The following HERPUD2 variants were observed in gnomAD, a reference collection of about 807,000 sequenced individuals.
The protein encoded by HERPUD2 is homocysteine-responsive endoplasmic reticulum-resident ubiquitin-like domain member 2 protein.
In HERPUD2, 13 loss-of-function variants were observed where a neutral mutation model predicts 49.9. The observed-to-expected ratio is 0.26, with a 90% confidence interval of 0.17 to 0.41. The LOEUF (loss-of-function observed/expected upper bound fraction) is 0.41. Among genes scored for constraint, HERPUD2 ranks in the 10% least tolerant of loss-of-function variants. The pLI is 1.00. For synonymous variants in HERPUD2, 172 were observed against 171.4 expected (o/e 1.00, Z -0.03); for missense variants, 449 against 492.2 (o/e 0.91, Z 0.83).
chr7:35,636,559 C>G (rs1427171619), intron 6 of HERPUD2, among the ~76,000 whole-genome samples: 1 of 152,140 alleles, frequency 6.6e-6, no homozygotes, highest in Non-Finnish European at 1.5e-5. Context: ...GGTTCACAAA[C>G]GAGACAAGGT....
At chr7:35,663,625 C>G (rs1210506272) in intron 5 of HERPUD2, among the ~76,000 whole-genome samples, 1 of 152,184 alleles carries the variant, frequency 6.6e-6, no homozygotes, top group African/African-American at 2.4e-5. Flanking sequence ...GTTAGCTCCT[C>G]TTGTTGAATT....
chr7:35,682,399 T>C (rs184949817), intron 2 of HERPUD2, among the ~76,000 whole-genome samples: 41 of 130,788 alleles, frequency 3.1e-4, no homozygotes, highest in African/African-American at 1.2e-3. Flanking sequence ...TTAATCGGCA[T>C]ACAAGGGACA....
In HERPUD2 at chr7:35,695,114, C is replaced by G. The variant is rs1467608986; in HGVS notation, c.-611G>C. On this transcript the variant is annotated 5_prime_UTR_variant, in exon 1 of 9. Coordinates refer to ENST00000311350, the MANE Select transcript of HERPUD2 (RefSeq NM_022373.5). ...GGGGACGAGAGCCGTTGCGCCACCGCTGGCGCGCCGGTTTTGTTGTTATTG... is the reference window on the plus strand; with the variant it reads ...GGGGACGAGAGCCGTTGCGCCACCGGTGGCGCGCCGGTTTTGTTGTTATTG... The G allele has an allele frequency of 1.3e-5, 2 of 152,490 alleles. No individual in the cohort carries two copies. The highest frequency in any genetic ancestry group is 2.9e-5 in the Non-Finnish European group (2 of 68,234). 9.4% of individuals were successfully genotyped at this position (152,490 alleles called of 1,614,324 possible). A position where few individuals can be genotyped will look rare whatever the true frequency, so the allele number is the denominator to read the frequency against.
chr7:35,691,624 T>G (rs1229094532), intron 2 of HERPUD2, among the ~76,000 whole-genome samples: 14 of 152,214 alleles, frequency 9.2e-5, no homozygotes, highest in Admixed American at 9.2e-4. Flanking sequence ...GCAAGGAAGA[T>G]GCACAAGAAA....
chr7:35,678,391 C>T (rs976007557), intron 2 of HERPUD2, among the ~76,000 whole-genome samples: 17 of 152,046 alleles, frequency 1.1e-4, no homozygotes, highest in African/African-American at 3.6e-4. Flanking sequence ...ACCTCTAACT[C>T]CCAGGTTCAA....
chr7:35,694,599 T>G lies in HERPUD2; in HGVS notation c.-269A>C. On this transcript the variant is annotated 5_prime_UTR_variant, in exon 2 of 9. Transcript: ENST00000311350. ...GTCCGGGCTCCGCCGGGCTCCGGAC[T>G]GTGGAGGCCGTCGTGAGGAGAAAGG... The G allele has an allele frequency of 2.0e-6, 1 of 488,984 alleles. No homozygotes were observed. The highest frequency in any genetic ancestry group is 3.7e-6 in the Non-Finnish European group (1 of 268,496). 30.3% of individuals were successfully genotyped at this position (488,984 alleles called of 1,614,324 possible). A position where few individuals can be genotyped will look rare whatever the true frequency, so the allele number is the denominator to read the frequency against.
chr7:35,648,671 G>C (rs549498639), intron 5 of HERPUD2, among the ~76,000 whole-genome samples: 1 of 152,292 alleles, frequency 6.6e-6, no homozygotes, highest in Admixed American at 6.5e-5. Context: ...TCAGTCATTA[G>C]CTTGCCCTCT....
intron 5 of HERPUD2, among the ~76,000 whole-genome samples, chr7:35,655,647 T>G (rs114124797): frequency 1.8e-3 from 268 of 152,198 alleles, no homozygotes; most frequent in African/African-American, 6.1e-3. Flanking sequence ...GGATCCCCAC[T>G]TTCACCAGTC....
Position 35,639,017 on chromosome 7 carries a change from G to A in HERPUD2, c.495-545C>T, listed in dbSNP as rs201082666. ...TGTTCACATATACATTCTTAAAGTAGGTTAAAATTTTATTTCTTTTTTTTT... is the reference window on the plus strand; with the variant it reads ...TGTTCACATATACATTCTTAAAGTAAGTTAAAATTTTATTTCTTTTTTTTT... On this transcript the variant is annotated intron_variant, in intron 5 of 8. Transcript: ENST00000311350. Among the ~76,000 whole-genome samples, 8 of 151,712 alleles carry A rather than the reference G, an allele frequency of 5.3e-5. No homozygotes were observed. The East Asian group carries it at 1.5e-3, about 29-fold the overall frequency.
At chr7:35,638,993 G>A (rs1351132599) in intron 5 of HERPUD2, among the ~76,000 whole-genome samples, 1 of 151,512 alleles carries the variant, frequency 6.6e-6, no homozygotes, top group African/African-American at 2.4e-5. Flanking sequence ...AGTAGAACAT[G>A]TTCACATATA....
At chr7:35,669,098 AC>A (rs779985017) in intron 4 of HERPUD2, among the ~76,000 whole-genome samples, 1 of 152,160 alleles carries the variant, frequency 6.6e-6, no homozygotes, top group Non-Finnish European at 1.5e-5. Flanking sequence ...TTCTTTCCCA[AC>A]AAAAATTGAA....
rs1007648223 is a variant in HERPUD2 at position 35,652,869 on chromosome 7, T to C, written c.495-14397A>G. On this transcript the variant is annotated intron_variant, in intron 5 of 8. Transcript: ENST00000311350. ...ACTAGGCCGGCCCTCCAAGAAATAA[T>C]TAAGGGAGCCCTATACCCGGAAGGA... Among the ~76,000 whole-genome samples the C allele has an allele frequency of 4.6e-5, 7 of 151,616 alleles. No homozygotes were observed. In the South Asian group the frequency reaches 6.3e-4, roughly 14 times the overall value.
intron 2 of HERPUD2, among the ~76,000 whole-genome samples, chr7:35,687,156 A>T (rs1355718242): frequency 1.3e-5 from 2 of 152,170 alleles, no homozygotes. Flanking sequence ...ACACAATAAA[A>T]GTTCATTCGT....
intron 2 of HERPUD2, among the ~76,000 whole-genome samples, chr7:35,690,435 T>C (rs1786153910): frequency 6.6e-6 from 1 of 152,268 alleles, no homozygotes; most frequent in Admixed American, 6.5e-5. Context: ...ATTAAGGATC[T>C]ATAATCTTTT....
chr7:35,681,107 A>C (rs1334295725), intron 2 of HERPUD2, among the ~76,000 whole-genome samples: 3 of 152,234 alleles, frequency 2.0e-5, no homozygotes, highest in African/African-American at 4.8e-5. Context: ...TATCTGATTC[A>C]CTTCTACAAA....
rs181047332 is a variant in HERPUD2 at position 35,651,185 on chromosome 7, T to G, written c.495-12713A>C. Among the ~76,000 whole-genome samples the G allele has an allele frequency of 5.3e-4, 81 of 152,218 alleles. 2 individuals carry two copies. In the East Asian group the frequency reaches 0.014, roughly 27 times the overall value. Reference sequence around the variant, plus strand: ...TATTACTGCCATAATCCATGGCATATCCACTGCCTAGGGGCCCGATGACAT... The same window carrying G: ...TATTACTGCCATAATCCATGGCATAGCCACTGCCTAGGGGCCCGATGACAT... On this transcript the variant is annotated intron_variant, in intron 5 of 8. Transcript: ENST00000311350.
chr7:35,665,124 A>T lies in HERPUD2; in HGVS notation c.494+2310T>A, dbSNP rs1785509038. ...CAGATCTCAAACTCAGTGCTGGGAGAACCACTACTCTCTTCAAAGCTGTCA... is the reference window on the plus strand; with the variant it reads ...CAGATCTCAAACTCAGTGCTGGGAGTACCACTACTCTCTTCAAAGCTGTCA... On this transcript the variant is annotated intron_variant, in intron 5 of 8. Coordinates refer to ENST00000311350, the MANE Select transcript of HERPUD2 (RefSeq NM_022373.5). 2.0e-5 allele frequency among the ~76,000 whole-genome samples: 3 copies of T among 152,196 alleles called. No homozygotes were observed. The South Asian group carries it at 6.2e-4, about 31-fold the overall frequency.
chr7:35,694,440 T>G lies in HERPUD2; in HGVS notation c.-110A>C. 1 of 1,116,012 alleles carries G rather than the reference T, an allele frequency of 9.0e-7. No individual in the cohort carries two copies. The highest frequency in any genetic ancestry group is 1.3e-5 in the South Asian group (1 of 74,764). 69.1% of individuals were successfully genotyped at this position (1,116,012 alleles called of 1,614,324 possible). A position where few individuals can be genotyped will look rare whatever the true frequency, so the allele number is the denominator to read the frequency against. On this transcript the variant is annotated 5_prime_UTR_variant, in exon 2 of 9. Transcript: ENST00000311350. ...TGAGGACAGAAGTGAGTTCTTAGTATTCCGTGTCCAAGTCAGTTACAAGTG... is the reference window on the plus strand; with the variant it reads ...TGAGGACAGAAGTGAGTTCTTAGTAGTCCGTGTCCAAGTCAGTTACAAGTG...
At chr7:35,643,032 T>C (rs192398537) in intron 5 of HERPUD2, among the ~76,000 whole-genome samples, 1 of 152,244 alleles carries the variant, frequency 6.6e-6, no homozygotes, top group East Asian at 1.9e-4. Flanking sequence ...TATAGAAATA[T>C]GAAATATGGA....
Sources: gnomAD v4.1 joint callset for allele counts (sites outside exome capture counted in the v4.1 genomes callset) on GRCh38, gnomAD v4.1.1 for gene constraint, MANE v1.5 for transcripts, NCBI Gene and HGNC (gene_info 2026-07-23, HGNC 2026-07-21) for gene names.